The following GPR149 variants were observed in gnomAD, a reference collection of about 807,000 sequenced individuals.
GPR149 encodes the protein G protein-coupled receptor 149.
In GPR149, 50 loss-of-function variants were observed where a neutral mutation model predicts 50.2. That is an observed-to-expected ratio of 1.00 (90% CI 0.79 to 1.26). The LOEUF is 1.26. Ranked by LOEUF, GPR149 falls within the 50% of genes most tolerant of loss-of-function variation. GPR149 has a pLI of 0.00. For synonymous variants in GPR149, 405 were observed against 358.2 expected (o/e 1.13, Z -1.48); for missense variants, 983 against 895.4 (o/e 1.10, Z -1.25).
At chr3:154,356,071 G>A (rs921862153) in intron 3 of GPR149, among the ~76,000 whole-genome samples, 2 of 152,196 alleles carry the variant, frequency 1.3e-5, no homozygotes, top group African/African-American at 4.8e-5. Flanking sequence ...CAGGGAATAA[G>A]AGTAAATGAG....
chr3:154,408,937 C>T (rs978925185), intron 3 of GPR149, among the ~76,000 whole-genome samples: 1 of 152,254 alleles, frequency 6.6e-6, no homozygotes, highest in Non-Finnish European at 1.5e-5. Context: ...AACCAGCACA[C>T]TGAACAAAAA....
intron 3 of GPR149, among the ~76,000 whole-genome samples, chr3:154,406,032 A>G (rs904371936): frequency 6.6e-6 from 1 of 152,082 alleles, no homozygotes; most frequent in Non-Finnish European, 1.5e-5. Flanking sequence ...ATGGATGAAG[A>G]ACTAATATTT....
intron 3 of GPR149, 84 bp from the exon 4 acceptor site, chr3:154,338,355 G>T: frequency 9.0e-7 from 1 of 1,113,372 alleles, no homozygotes; most frequent in Non-Finnish European, 1.3e-6. Flanking sequence ...TCATCAGAAT[G>T]ATAAAGGTTT....
chr3:154,365,710 A>T (rs1714517171), intron 3 of GPR149, among the ~76,000 whole-genome samples: 1 of 152,210 alleles, frequency 6.6e-6, no homozygotes, highest in Non-Finnish European at 1.5e-5. Context: ...AAGGATTAGG[A>T]CATGAACATA....
intron 3 of GPR149, among the ~76,000 whole-genome samples, chr3:154,381,217 GAGA>G (rs1714915064): frequency 6.6e-6 from 1 of 152,110 alleles, no homozygotes; most frequent in South Asian, 2.1e-4. Context: ...GATACCCTTG[GAGA>G]AGGTCACTGT....
chr3:154,428,839 C>G lies in GPR149; in HGVS notation c.777G>C (p.Pro259=), dbSNP rs1040932919. ...AGCATCCCCCAGAGCGCCGCAGACT[C>G]GGGCCTGGAGCATCCTCTGGGGACA... ...VSLSPEDAPG[P]SLRRSGGCSP... The change falls in exon 1 of 4, where the codon CCG becomes CCC. Residue 259 remains proline, a synonymous_variant. Transcript: ENST00000389740. 6.2e-6 allele frequency: 10 copies of G among 1,613,624 alleles called. No individual in the cohort carries two copies. Among genetic ancestry groups the G allele is most frequent in the Admixed American group, 3.3e-5 (2 of 60,006 alleles).
rs948283835 is a variant in GPR149 at position 154,348,392 on chromosome 3, G to A, written c.1624-10121C>T. On this transcript the variant is annotated intron_variant, in intron 3 of 3. Transcript: ENST00000389740. ...ATTTCAAATATAATAATATAAGCAGGTCGAAAGTAAAAAAAGAAGATATAT... is the reference window on the plus strand; with the variant it reads ...ATTTCAAATATAATAATATAAGCAGATCGAAAGTAAAAAAAGAAGATATAT... 3.3e-5 allele frequency among the ~76,000 whole-genome samples: 5 copies of A among 152,140 alleles called. No homozygotes were observed. The East Asian group carries it at 5.8e-4, about 18-fold the overall frequency.
At chr3:154,347,349 G>A (rs144838427) in intron 3 of GPR149, among the ~76,000 whole-genome samples, 152 of 152,246 alleles carry the variant, frequency 1.0e-3, no homozygotes, top group African/African-American at 3.2e-3. Context: ...CACATCCCTC[G>A]TCACATAGTG....
Position 154,406,236 on chromosome 3 carries a change from C to A in GPR149, c.1623+14803G>T, listed in dbSNP as rs186107078. ...CTGAGAAATCATTTCTCTCCTATCA[C>A]ACTGGAAAAAGTTTAAAAGTGTGAT... On this transcript the variant is annotated intron_variant, in intron 3 of 3. Transcript: ENST00000389740. 1.3e-5 allele frequency among the ~76,000 whole-genome samples: 2 copies of A among 152,250 alleles called. 1 individual carries two copies. The highest frequency in any genetic ancestry group is 1.3e-4 in the Admixed American group (2 of 15,280).
Position 154,429,302 on chromosome 3 carries a change from C to T in GPR149, c.314G>A (p.Cys105Tyr), listed in dbSNP as rs1341810003. The T allele has an allele frequency of 6.2e-7, 1 of 1,614,030 alleles. No individual in the cohort carries two copies. Among genetic ancestry groups the T allele is most frequent in the Non-Finnish European group, 8.5e-7 (1 of 1,180,038 alleles). Residue 105 changes from cysteine to tyrosine, a missense_variant, in exon 1 of 4, where the codon TGC becomes TAC. By Grantham distance (194) the Cys-to-Tyr change is radical (BLOSUM62 -2). Coordinates refer to ENST00000389740, the MANE Select transcript of GPR149 (RefSeq NM_001038705.3). ...TAAATACATTAAGGCAGAGGTGGTG[C>T]ACAGAAATTGGAAGTAACCGGGGAC... ...NEVPGYFQFL[C>Y]TTSALMYLCQ...
chr3:154,425,678 T>G (rs943261190), intron 2 of GPR149, among the ~76,000 whole-genome samples: 1 of 152,154 alleles, frequency 6.6e-6, no homozygotes, highest in African/African-American at 2.4e-5. Flanking sequence ...TTCTTTGGAA[T>G]TTTAAAATAA....
At chr3:154,339,095 G>C (rs960252034) in intron 3 of GPR149, among the ~76,000 whole-genome samples, 1 of 152,130 alleles carries the variant, frequency 6.6e-6, no homozygotes, top group South Asian at 2.1e-4. Context: ...TTTTGATTAT[G>C]TGTTAGTCCC....
chr3:154,413,540 G>A (rs1236506436), intron 3 of GPR149, among the ~76,000 whole-genome samples: 1 of 151,602 alleles, frequency 6.6e-6, no homozygotes, highest in Non-Finnish European at 1.5e-5. Context: ...ATGGCCAGAA[G>A]CATATAGAAA....
chr3:154,392,542 A>C (rs1051357256), intron 3 of GPR149, among the ~76,000 whole-genome samples: 1 of 151,898 alleles, frequency 6.6e-6, no homozygotes, highest in African/African-American at 2.4e-5. Context: ...AAAAAGAAGA[A>C]CAAACTAAGG....
intron 3 of GPR149, among the ~76,000 whole-genome samples, chr3:154,416,801 A>G (rs546798790): frequency 6.6e-6 from 1 of 151,862 alleles, no homozygotes; most frequent in Admixed American, 6.6e-5. Context: ...CTCATTTGAG[A>G]GGGAATATTT....
intron 3 of GPR149, among the ~76,000 whole-genome samples, chr3:154,385,172 A>G (rs1576916412): frequency 6.6e-6 from 1 of 152,316 alleles, no homozygotes; most frequent in East Asian, 1.9e-4. Flanking sequence ...AGAGATGACT[A>G]GATTTTCAGC....
chr3:154,361,632 G>C (rs1714402971), intron 3 of GPR149, among the ~76,000 whole-genome samples: 1 of 152,224 alleles, frequency 6.6e-6, no homozygotes, highest in Admixed American at 6.5e-5. Context: ...GACCAGTACG[G>C]GGTGCTTTTT....
intron 3 of GPR149, among the ~76,000 whole-genome samples, chr3:154,400,233 G>A (rs1006886160): frequency 6.6e-6 from 1 of 152,024 alleles, no homozygotes; most frequent in Non-Finnish European, 1.5e-5. Flanking sequence ...TGATCCACCC[G>A]CCTCGGCCTC....
intron 2 of GPR149, among the ~76,000 whole-genome samples, chr3:154,424,151 G>A (rs552986648): frequency 1.2e-4 from 18 of 151,706 alleles, no homozygotes; most frequent in African/African-American, 3.9e-4. Context: ...TTAAAATTTC[G>A]GTCCATAATT....
Sources: allele counts gnomAD v4.1 joint callset (sites outside exome capture counted in the v4.1 genomes callset), GRCh38; gene constraint gnomAD v4.1.1; transcripts MANE v1.5; gene names NCBI Gene and HGNC (gene_info 2026-07-23, HGNC 2026-07-21).